The following DNAH8 variants were observed in gnomAD, a reference collection of about 807,000 sequenced individuals.
DNAH8 encodes the protein dynein axonemal heavy chain 8.
DNAH8 carries 382 observed loss-of-function variants against 562.1 expected under a neutral mutation model. The ratio of observed to expected loss-of-function variants is 0.68; its 90% CI spans 0.63 to 0.74. The LOEUF (loss-of-function observed/expected upper bound fraction) is 0.74, where lower values mean the gene tolerates loss of function less well. Among genes scored for constraint, DNAH8 ranks in the 30% least tolerant of loss-of-function variants. The pLI is 0.00. For missense variants in DNAH8, 5,203 were observed against 5,620.4 expected (o/e 0.93, Z 2.37); for synonymous variants, 1,881 against 1,919.4 (o/e 0.98, Z 0.52).
At chr6:38,886,206 T>G (rs1778909749) in intron 56 of DNAH8, among the ~76,000 whole-genome samples, 1 of 151,816 alleles carries the variant, frequency 6.6e-6, no homozygotes, top group Non-Finnish European at 1.5e-5. Context: ...ATGTGAGGGA[T>G]GAGTGGACAA....
intron 3 of DNAH8, among the ~76,000 whole-genome samples, chr6:38,725,544 A>G (rs188391499): frequency 6.6e-6 from 1 of 152,214 alleles, no homozygotes. Context: ...GCTCTAAGCT[A>G]TTATAATGAC....
At chr6:38,994,376 C>T (rs370302012) in intron 88 of DNAH8, among the ~76,000 whole-genome samples, 33 of 151,872 alleles carry the variant, frequency 2.2e-4, no homozygotes, top group African/African-American at 8.0e-4. Flanking sequence ...ATTGTCGTTT[C>T]GTTTTATTTT....
intron 73 of DNAH8, among the ~76,000 whole-genome samples, chr6:38,925,815 A>G (rs1419280810): frequency 6.6e-6 from 1 of 152,180 alleles, no homozygotes. Context: ...ATGCAAAAGG[A>G]TAAACCTTGT....
rs753479183 is a variant in DNAH8 at position 38,826,218 on chromosome 6, C to T, written c.3910C>T (p.Leu1304=). 1.9e-6 allele frequency: 3 copies of T among 1,613,310 alleles called. No individual in the cohort carries two copies. The African/African-American group carries it at 4.0e-5, about 22-fold the overall frequency. Residue 1304 remains leucine, a synonymous_variant, in exon 29 of 93, where the codon CTG becomes TTG. Transcript: ENST00000327475. ...KAWKMLLCRY[L]NEEYKKKMSY... ...ATGGAAGATGTTACTCTGTCGATAT[C>T]TGAATGAAGAATACAAAAAGAAAAT... is the stretch of plus-strand genomic sequence containing the variant.
At chr6:38,782,767 CCT>C (rs368461207) in intron 16 of DNAH8, among the ~76,000 whole-genome samples, 1 of 152,064 alleles carries the variant, frequency 6.6e-6, no homozygotes, top group Non-Finnish European at 1.5e-5. Flanking sequence ...GGGCTGGAGG[CCT>C]CTCTCTTTCT....
At position 38,926,070 on chromosome 6, in the gene DNAH8, C is replaced by A. The variant is rs1425448313; in HGVS notation, c.10978C>A (p.Leu3660Ile). 2 of 1,613,168 alleles carry A rather than the reference C, an allele frequency of 1.2e-6. No homozygotes were observed. The highest frequency in any genetic ancestry group is 1.7e-6 in the Non-Finnish European group (2 of 1,179,636). Reference sequence around the variant, plus strand: ...TGTTGTTCAGATTGGTGAGTGGGGGCTACAGGGATTACCAGGAGATGATCT... The same window carrying A: ...TGTTGTTCAGATTGGTGAGTGGGGGATACAGGGATTACCAGGAGATGATCT... ...VDPPTIGEWG[L>I]QGLPGDDLSI... The change falls in exon 74 of 93, where the codon CTA becomes ATA. Residue 3660 changes from leucine (L) to isoleucine (I), a missense_variant. By Grantham distance (5) the Leu-to-Ile change is conservative. This residue lies in a region of DNAH8 where 1,399 missense variants were observed against 1,518.4 expected (regional missense o/e 0.92). Transcript: ENST00000327475.
chr6:38,946,067 A>G (rs1164306640), intron 80 of DNAH8, among the ~76,000 whole-genome samples: 2 of 152,204 alleles, frequency 1.3e-5, no homozygotes, highest in Admixed American at 6.5e-5. Context: ...TTATTTGAAA[A>G]TGTACATTGA....
chr6:38,909,894 A>G (rs1423202557), intron 65 of DNAH8, 150 bp downstream of exon 65: 4 of 716,354 alleles, frequency 5.6e-6, no homozygotes, highest in African/African-American at 5.4e-5. Flanking sequence ...TCTAGTGACT[A>G]TGTATGAAGA....
chr6:38,822,778 CTG>C, intron 26 of DNAH8, 58 bp from the exon 27 acceptor site: 1 of 1,183,386 alleles, frequency 8.5e-7, no homozygotes, highest in Non-Finnish European at 1.1e-6. Context: ...AATATTAAAA[CTG>C]ATAATATTTA....
At chr6:38,970,077 C>A (rs1763232512) in intron 82 of DNAH8, among the ~76,000 whole-genome samples, 1 of 152,056 alleles carries the variant, frequency 6.6e-6, no homozygotes, top group South Asian at 2.1e-4. Flanking sequence ...TGACCCAATA[C>A]CTGGATCAAG....
rs574968441 is a variant in DNAH8, at chr6:38,997,072, G to T, written c.13214+6900G>T. Among the ~76,000 whole-genome samples the T allele has an allele frequency of 5.3e-5, 8 of 152,106 alleles. No individual in the cohort carries two copies. The East Asian group carries it at 1.5e-3, about 29-fold the overall frequency. The stretch of plus-strand genomic sequence containing the variant: ...TAACTTCCCATATGGTCTGCCTTGG[G>T]GTCTCTCTCACCCACCCCTGATCCC... On this transcript the variant is annotated intron_variant, in intron 88 of 92. Coordinates refer to ENST00000327475, the MANE Select transcript of DNAH8 (RefSeq NM_001206927.2).
chr6:38,781,099 C>G (rs569446243), intron 15 of DNAH8, among the ~76,000 whole-genome samples, 155 bp from the exon 16 acceptor site: 6 of 152,258 alleles, frequency 3.9e-5, no homozygotes, highest in Non-Finnish European at 7.4e-5. Context: ...GTTTCAAAAT[C>G]TCAGGTTACC....
chr6:38,770,289 T>TA lies in DNAH8; in HGVS notation c.1618-115dup, dbSNP rs34738478. On this transcript the variant is annotated intron_variant, in intron 11 of 92. Coordinates refer to ENST00000327475, the MANE Select transcript of DNAH8 (RefSeq NM_001206927.2). ...AATGAGGATGAAAATATGGTATAAA[T>TA]AAAAAAAAACTATACAGATTTTCAC... The TA allele has an allele frequency of 0.71, 341,194 of 480,688 alleles. 115,790 individuals are homozygous for TA. The highest frequency in any genetic ancestry group is 0.85 in the African/African-American group (42,132 of 49,408). The allele number at this position is 480,688 out of a possible 1,614,324, so 29.8% of individuals were successfully genotyped here.
chr6:38,875,195 G>A (rs1384458150), intron 52 of DNAH8, among the ~76,000 whole-genome samples: 2 of 152,184 alleles, frequency 1.3e-5, no homozygotes, highest in Non-Finnish European at 2.9e-5. Flanking sequence ...GCTAAGTCCT[G>A]CAAAATTTTA....
At chr6:38,741,178 G>A (rs1764489884) in intron 7 of DNAH8, among the ~76,000 whole-genome samples, 1 of 152,112 alleles carries the variant, frequency 6.6e-6, no homozygotes, top group South Asian at 2.1e-4. Flanking sequence ...ACTGAGGCAG[G>A]AGGATCGCTT....
rs746205471 is a variant in DNAH8, at chr6:38,870,556, C to A, written c.6984C>A (p.Leu2328=). The part of the protein sequence containing the change: ...LINHPPWNLK[L]VQLYETSLVR... ...ACCATCCACCCTGGAACCTGAAACTCGTGCAGGTAAAGACATTTTAATCTA... is the reference window on the plus strand; with the variant it reads ...ACCATCCACCCTGGAACCTGAAACTAGTGCAGGTAAAGACATTTTAATCTA... The change falls in exon 49 of 93, where the codon CTC becomes CTA. Residue 2328 remains leucine (L), a synonymous_variant. Transcript: ENST00000327475. 3 of 1,613,268 alleles carry A rather than the reference C, an allele frequency of 1.9e-6. No individual in the cohort carries two copies. Among genetic ancestry groups the A allele is most frequent in the Non-Finnish European group, 2.5e-6 (3 of 1,179,664 alleles).
At chr6:38,803,364 A>ATGT in intron 22 of DNAH8, 53 bp downstream of exon 22, 1 of 1,442,164 alleles carries the variant, frequency 6.9e-7, no homozygotes. Flanking sequence ...ATTCGTTCTT[A>ATGT]TGTAAGCACC....
rs200078830 is a variant in DNAH8 at position 38,873,187 on chromosome 6, T to A, written c.7479+40T>A. The A allele has an allele frequency of 2.2e-5, 35 of 1,612,774 alleles. No individual in the cohort carries two copies. In the East Asian group the frequency reaches 7.1e-4, roughly 33 times the overall value. Reference sequence around the variant, plus strand: ...TGGGAAGAAGAACCCTCAGAGTCTCTCCACGTTTCACTTTCTCAATAAACA... The same window carrying A: ...TGGGAAGAAGAACCCTCAGAGTCTCACCACGTTTCACTTTCTCAATAAACA... On this transcript the variant is annotated intron_variant, in intron 51 of 92. Transcript: ENST00000327475.
chr6:38,866,761 A>C lies in DNAH8; in HGVS notation c.6586-8A>C. ...AAGTTGAAAAAAACTCACTATATTAATTTTCAGATCATTATGAGAGTTAAA... is the reference window on the plus strand; with the variant it reads ...AAGTTGAAAAAAACTCACTATATTACTTTTCAGATCATTATGAGAGTTAAA... On this transcript the variant is annotated splice_region_variant and splice_polypyrimidine_tract_variant and intron_variant, in intron 46 of 92. Transcript: ENST00000327475. The C allele has an allele frequency of 6.2e-7, 1 of 1,606,518 alleles. No homozygotes were observed.
Sources: allele counts gnomAD v4.1 joint callset (sites outside exome capture counted in the v4.1 genomes callset), GRCh38; gene constraint gnomAD v4.1.1; regional missense constraint gnomAD v4.1.1; transcripts MANE v1.5; gene names NCBI Gene and HGNC (gene_info 2026-07-23, HGNC 2026-07-21).